CHN2: variants seen among roughly 807,000 people sequenced by gnomAD.
CHN2 encodes chimerin 2.
CHN2 carries 35 observed loss-of-function variants against 56.3 expected under a neutral mutation model. The observed-to-expected ratio is 0.62, with a 90% CI of 0.47 to 0.82. The LOEUF is 0.82. Ranked by LOEUF, CHN2 falls within the 40% of genes least tolerant of loss-of-function variation. The pLI is 0.00. For missense variants in CHN2, 491 were observed against 580.5 expected, an observed-to-expected ratio of 0.85 and a Z score of 1.58; for synonymous variants, 210 against 212.8, an observed-to-expected ratio of 0.99 and a Z score of 0.12.
chr7:29,291,976 G>C (rs1792668542), intron 1 of CHN2, among the ~76,000 whole-genome samples: 1 of 152,090 alleles, frequency 6.6e-6, no homozygotes, highest in South Asian at 2.1e-4. Flanking sequence ...AGAAGGACTT[G>C]GCTCCTCCTA....
At chr7:29,420,059 CA>C (rs398004204) in intron 6 of CHN2, among the ~76,000 whole-genome samples, 4,947 of 120,214 alleles carry the variant, frequency 0.041, 88 homozygotes, top group African/African-American at 0.086. Context: ...GACTCCATCT[CA>C]AAAAAAAAAA....
intron 1 of CHN2, among the ~76,000 whole-genome samples, chr7:29,323,240 C>T (rs1795504975): frequency 2.6e-5 from 4 of 151,426 alleles, no homozygotes; most frequent in African/African-American, 9.7e-5. Context: ...TCGCAGAGCA[C>T]ATCAACATCT....
intron 6 of CHN2, among the ~76,000 whole-genome samples, chr7:29,428,340 G>A (rs976696822): frequency 6.6e-6 from 1 of 152,164 alleles, no homozygotes; most frequent in Non-Finnish European, 1.5e-5. Flanking sequence ...GCAGTCAAAG[G>A]TCATTTCCCA....
intron 1 of CHN2, among the ~76,000 whole-genome samples, chr7:29,298,884 ATTATG>A (rs1057455821): frequency 6.6e-6 from 1 of 151,262 alleles, no homozygotes; most frequent in Non-Finnish European, 1.5e-5. Context: ...TAAAAAAAAA[ATTATG>A]ATAGGACTAA....
At chr7:29,153,111 A>G (rs1435426191) in intron 2 of CHN2, among the ~76,000 whole-genome samples, 1 of 152,174 alleles carries the variant, frequency 6.6e-6, no homozygotes, top group Non-Finnish European at 1.5e-5. Context: ...ATAAACTCAA[A>G]TTGATTATCT....
At chr7:29,408,450 G>T (rs1802868166) in intron 6 of CHN2, among the ~76,000 whole-genome samples, 1 of 152,116 alleles carries the variant, frequency 6.6e-6, no homozygotes, top group South Asian at 2.1e-4. Context: ...TATTCCTGAG[G>T]CTCTTTTATG....
At chr7:29,361,075 A>G (rs1329063718) in intron 2 of CHN2, among the ~76,000 whole-genome samples, 4 of 152,198 alleles carry the variant, frequency 2.6e-5, no homozygotes, top group South Asian at 2.1e-4. Flanking sequence ...TTCCTGGCAC[A>G]TATTTGGGAC....
intron 1 of CHN2, among the ~76,000 whole-genome samples, chr7:29,327,091 G>A (rs969305658): frequency 6.6e-6 from 1 of 152,160 alleles, no homozygotes; most frequent in African/African-American, 2.4e-5. Context: ...ACTTAAGTCA[G>A]GGATGAGGAA....
chr7:29,161,583 C>T (rs983003506), intron 2 of CHN2, among the ~76,000 whole-genome samples: 4 of 152,158 alleles, frequency 2.6e-5, no homozygotes, highest in African/African-American at 9.7e-5. Context: ...AACCAAATTC[C>T]ATGTATTCTC....
chr7:29,176,987 TG>T (rs1398964168), intron 2 of CHN2, among the ~76,000 whole-genome samples: 7 of 151,102 alleles, frequency 4.6e-5, no homozygotes, highest in Admixed American at 6.6e-5. Context: ...AAAATGGGAA[TG>T]AAAAAAAATC....
intron 6 of CHN2, among the ~76,000 whole-genome samples, chr7:29,473,476 T>TGTGTGTGTG (rs1232651713): frequency 1.8e-5 from 2 of 111,726 alleles, no homozygotes; most frequent in African/African-American, 3.5e-5. Flanking sequence ...TTGTGTTTTT[T>TGTGTGTGTG]TTTTTTTGTG....
At chr7:29,228,115 C>T (rs1786354839) in intron 1 of CHN2, among the ~76,000 whole-genome samples, 1 of 150,774 alleles carries the variant, frequency 6.6e-6, no homozygotes, top group African/African-American at 2.4e-5. Flanking sequence ...AACATAGAAG[C>T]TACCTTAAAA....
At chr7:29,178,785 A>C (rs1447028391) in intron 2 of CHN2, among the ~76,000 whole-genome samples, 1 of 152,204 alleles carries the variant, frequency 6.6e-6, no homozygotes, top group Non-Finnish European at 1.5e-5. Context: ...ATCTGCATTC[A>C]TATGAAAAAT....
chr7:29,208,898 C>T (rs986068764), intron 1 of CHN2: 5 of 152,268 alleles, frequency 3.3e-5, no homozygotes, highest in Non-Finnish European at 5.9e-5. Flanking sequence ...CTCAGCCTCA[C>T]TGTCTTTACA....
At chr7:29,181,407 T>C (rs1159283997) in intron 2 of CHN2, 1 of 152,152 alleles carries the variant, frequency 6.6e-6, no homozygotes, top group Non-Finnish European at 1.5e-5. Flanking sequence ...CTTACAGCAA[T>C]CAAGCCTAAG....
At chr7:29,404,392 GA>G (rs1186208287) in intron 6 of CHN2, among the ~76,000 whole-genome samples, 3 of 152,076 alleles carry the variant, frequency 2.0e-5, no homozygotes, top group African/African-American at 2.4e-5. Flanking sequence ...TTTTAGTGGG[GA>G]AAAAATGATC....
intron 2 of CHN2, among the ~76,000 whole-genome samples, chr7:29,164,131 A>T (rs1398217225): frequency 6.6e-6 from 1 of 152,196 alleles, no homozygotes; most frequent in African/African-American, 2.4e-5. Flanking sequence ...GCAGTGCATG[A>T]GAGTTTTAGT....
chr7:29,456,737 A>G (rs1445197600), intron 6 of CHN2, among the ~76,000 whole-genome samples: 1 of 151,952 alleles, frequency 6.6e-6, no homozygotes, highest in Non-Finnish European at 1.5e-5. Context: ...AGGTGATCTG[A>G]GGACACTTTT....
intron 11 of CHN2, among the ~76,000 whole-genome samples, chr7:29,508,599 T>C (rs1323111922): frequency 3.9e-5 from 6 of 152,068 alleles, no homozygotes; most frequent in Non-Finnish European, 8.8e-5. Context: ...CTAGTGGTCC[T>C]GGCAAAGAAG....
Sources: allele counts gnomAD v4.1 joint callset (sites outside exome capture counted in the v4.1 genomes callset), GRCh38; gene constraint gnomAD v4.1.1; transcripts MANE v1.5; gene names NCBI Gene and HGNC (gene_info 2026-07-23, HGNC 2026-07-21).